The following CNST variants were observed in gnomAD, a reference collection of about 807,000 sequenced individuals.
The protein encoded by CNST is consortin, connexin sorting protein.
A neutral mutation model predicts 72.4 loss-of-function variants in CNST; 39 were observed. The ratio of observed to expected loss-of-function variants is 0.54; its 90% CI spans 0.42 to 0.70. The LOEUF (loss-of-function observed/expected upper bound fraction) is 0.70. Among genes scored for constraint, CNST ranks in the 30% least tolerant of loss-of-function variants. CNST has a pLI of 0.00. For synonymous variants in CNST, 332 were observed against 320.1 expected (o/e 1.04, Z -0.40); for missense variants, 871 against 868.5 (o/e 1.00, Z -0.04).
chr1:246,592,008 A>G, intron 2 of CNST, 67 bp downstream of exon 2: 1 of 1,219,352 alleles, frequency 8.2e-7, no homozygotes, highest in Non-Finnish European at 1.1e-6. Context: ...TCCCTCCCAT[A>G]CTGTGTTTAC....
At chr1:246,626,369 G>A (rs985596940) in intron 3 of CNST, among the ~76,000 whole-genome samples, 1 of 151,314 alleles carries the variant, frequency 6.6e-6, no homozygotes, top group African/African-American at 2.4e-5. Context: ...TAAACACTGG[G>A]ATGCGTCAGA....
chr1:246,642,516 CAT>C (rs778832303), intron 8 of CNST, among the ~76,000 whole-genome samples: 1 of 151,982 alleles, frequency 6.6e-6, no homozygotes, highest in Non-Finnish European at 1.5e-5. Context: ...TGTTTACTAA[CAT>C]ATGATATACT....
chr1:246,585,459 C>A (rs1661076911), intron 1 of CNST, among the ~76,000 whole-genome samples: 1 of 151,736 alleles, frequency 6.6e-6, no homozygotes, highest in African/African-American at 2.4e-5. Flanking sequence ...TCAGCCTGTC[C>A]AACATGGCGA....
At chr1:246,630,192 A>G (rs767704581) in intron 3 of CNST, among the ~76,000 whole-genome samples, 4 of 152,180 alleles carry the variant, frequency 2.6e-5, no homozygotes, top group Non-Finnish European at 5.9e-5. Flanking sequence ...AAATGAGCAA[A>G]CACTGCAAGT....
chr1:246,651,307 C>T (rs920981004), intron 9 of CNST, among the ~76,000 whole-genome samples: 3 of 152,128 alleles, frequency 2.0e-5, no homozygotes, highest in South Asian at 2.1e-4. Flanking sequence ...CTTCTCTGTT[C>T]GCTTTCCCAG....
chr1:246,626,752 C>T lies in CNST; in HGVS notation c.585+5118C>T, dbSNP rs112766177. ...GATTACAGGTGTGAGCCACTGTGCC[C>T]GGCCTGTCCTATTTCTTTTCTGAAC... On this transcript the variant is annotated intron_variant, in intron 3 of 10. Coordinates refer to ENST00000366513, the MANE Select transcript of CNST (RefSeq NM_152609.3). 2.1e-3 allele frequency among the ~76,000 whole-genome samples: 318 copies of T among 152,186 alleles called. 5 individuals carry two copies. The highest frequency in any genetic ancestry group is 7.3e-3 in the African/African-American group (304 of 41,536).
chr1:246,635,073 A>T (rs1358747983), intron 6 of CNST, among the ~76,000 whole-genome samples: 1 of 150,424 alleles, frequency 6.6e-6, no homozygotes, highest in Non-Finnish European at 1.5e-5. Context: ...CTGAGGAGGG[A>T]GGAGTTATTC....
At chr1:246,600,472 G>C (rs1662205069) in intron 2 of CNST, among the ~76,000 whole-genome samples, 1 of 152,208 alleles carries the variant, frequency 6.6e-6, no homozygotes, top group South Asian at 2.1e-4. Flanking sequence ...ATCTGCCAGA[G>C]ATGCTGGTGA....
At chr1:246,603,279 T>A (rs1057345363) in intron 2 of CNST, among the ~76,000 whole-genome samples, 3 of 152,160 alleles carry the variant, frequency 2.0e-5, no homozygotes, top group African/African-American at 7.2e-5. Flanking sequence ...TAGGTGGGAG[T>A]TTAGGGACTC....
intron 2 of CNST, among the ~76,000 whole-genome samples, chr1:246,597,852 CAT>C (rs1661986643): frequency 2.6e-5 from 4 of 152,284 alleles, no homozygotes; most frequent in African/African-American, 9.6e-5. Flanking sequence ...GCTGATCCTA[CAT>C]GTCTTGCAGG....
intron 2 of CNST, among the ~76,000 whole-genome samples, chr1:246,612,576 T>TA (rs1427319956): frequency 2.6e-5 from 4 of 152,146 alleles, no homozygotes; most frequent in South Asian, 4.2e-4. Context: ...TATGTTTTTT[T>TA]AAAAAAATAG....
intron 2 of CNST, among the ~76,000 whole-genome samples, chr1:246,614,123 A>G (rs1391510288): frequency 6.6e-6 from 1 of 152,054 alleles, no homozygotes; most frequent in Non-Finnish European, 1.5e-5. Context: ...TTCATATTTC[A>G]GGTTTTTTTT....
At chr1:246,570,206 T>TA (rs1189628087) in intron 1 of CNST, among the ~76,000 whole-genome samples, 21 of 152,212 alleles carry the variant, frequency 1.4e-4, no homozygotes, top group African/African-American at 5.1e-4. Flanking sequence ...GCAACTGACA[T>TA]ACTGTCTCCA....
intron 2 of CNST, 129 bp downstream of exon 2, chr1:246,592,070 C>A: frequency 1.4e-6 from 1 of 702,330 alleles, no homozygotes; most frequent in Non-Finnish European, 2.3e-6. Flanking sequence ...AGTTCCGCCG[C>A]AGCACAAGTA....
chr1:246,640,854 A>T (rs1241604284), intron 6 of CNST, among the ~76,000 whole-genome samples: 1 of 152,198 alleles, frequency 6.6e-6, no homozygotes, highest in Non-Finnish European at 1.5e-5. Context: ...TTCAAGTTAC[A>T]CATAAAGTGT....
intron 6 of CNST, among the ~76,000 whole-genome samples, chr1:246,635,061 G>A (rs1290755854): frequency 2.0e-5 from 3 of 152,176 alleles, no homozygotes; most frequent in African/African-American, 4.8e-5. Flanking sequence ...TTGGGACTGG[G>A]TCTGAGGAGG....
chr1:246,655,273 G>A (rs560840406), intron 9 of CNST, among the ~76,000 whole-genome samples: 2 of 152,172 alleles, frequency 1.3e-5, no homozygotes, highest in African/African-American at 4.8e-5. Context: ...CGACATTGAT[G>A]TACTTCATCA....
At chr1:246,659,260 G>T (rs1269992936) in intron 9 of CNST, among the ~76,000 whole-genome samples, 1 of 152,178 alleles carries the variant, frequency 6.6e-6, no homozygotes, top group African/African-American at 2.4e-5. Flanking sequence ...CTGGCCTTTG[G>T]CCTGTGGGCC....
intron 2 of CNST, among the ~76,000 whole-genome samples, chr1:246,601,845 A>G (rs534974053): frequency 1.3e-5 from 2 of 152,320 alleles, no homozygotes; most frequent in East Asian, 3.9e-4. Context: ...GCAAGGGTGT[A>G]TAGTCTGCTT....
Sources: gnomAD v4.1 joint callset for allele counts (sites outside exome capture counted in the v4.1 genomes callset) on GRCh38, gnomAD v4.1.1 for gene constraint, MANE v1.5 for transcripts, NCBI Gene and HGNC (gene_info 2026-07-23, HGNC 2026-07-21) for gene names.